RESF1: variants seen among roughly 807,000 people sequenced by gnomAD.
RESF1 encodes retroelement silencing factor 1.
RESF1 carries 65 observed loss-of-function variants against 134.7 expected under a neutral mutation model. The observed-to-expected ratio is 0.48, with a 90% CI of 0.40 to 0.59. The LOEUF is 0.59. Ranked by LOEUF, RESF1 falls within the 20% of genes least tolerant of loss-of-function variation. The probability of loss-of-function intolerance (pLI) is 0.00; values close to 1 mark genes in which losing one functional copy is unlikely to be tolerated. For synonymous variants in RESF1, 762 were observed against 702.2 expected (o/e 1.09, Z -1.35); for missense variants, 2,274 against 2,002.7 (o/e 1.14, Z -2.59).
At chr12:31,971,824 A>G (rs994365405) in intron 3 of RESF1, among the ~76,000 whole-genome samples, 2 of 152,140 alleles carry the variant, frequency 1.3e-5, no homozygotes, top group African/African-American at 4.8e-5. Context: ...CCAATTGTCT[A>G]TCTTAGTCCA....
chr12:31,985,873 G>C lies in RESF1; in HGVS notation c.4918G>C (p.Asp1640His). 1 of 1,546,682 alleles carries C rather than the reference G, an allele frequency of 6.5e-7. No individual in the cohort carries two copies. Among genetic ancestry groups the C allele is most frequent in the Non-Finnish European group, 8.7e-7 (1 of 1,155,952 alleles). The change falls in exon 4 of 6, where the codon GAT becomes CAT. Residue 1640 changes from aspartate to histidine, a missense_variant. Asp to His is a moderately conservative substitution (Grantham distance 81, BLOSUM62 -1). Transcript: ENST00000312561. ...SNMLEFKLCPDILLKNTNSVE... is the reference protein window; with the variant it reads ...SNMLEFKLCPHILLKNTNSVE... ...CATGCTGGAGTTTAAATTATGTCCA[G>C]ATATCTTACTAAAGAATACAAACTC...
chr12:31,983,461 C>T lies in RESF1; in HGVS notation c.2506C>T (p.Gln836Ter). 6.2e-7 allele frequency: 1 copy of T among 1,613,940 alleles called. No homozygotes were observed. Among genetic ancestry groups the T allele is most frequent in the Non-Finnish European group, 8.5e-7 (1 of 1,179,950 alleles). The change falls in exon 4 of 6, where the codon CAG (glutamine) becomes TAG (stop). Residue 836 changes from glutamine (Q) to a stop codon, truncating the protein, a stop_gained. Coordinates refer to ENST00000312561, the MANE Select transcript of RESF1 (RefSeq NM_018169.4). LOFTEE classifies it high-confidence loss of function. ...ATCAACCAAGATTTTTCCACTAACTCAGAAGGAAAAGCAGAATGAGTCAAC... is the reference window on the plus strand; with the variant it reads ...ATCAACCAAGATTTTTCCACTAACTTAGAAGGAAAAGCAGAATGAGTCAAC... ...ATSTKIFPLTQKEKQNESTNG... is the reference protein window; with the variant it reads ...ATSTKIFPLT
chr12:31,981,251 A>T lies in RESF1; in HGVS notation c.296A>T (p.Asn99Ile). Residue 99 changes from asparagine to isoleucine, a missense_variant, in exon 4 of 6, where the codon AAT (asparagine) becomes ATT (isoleucine). By Grantham distance (149) the Asn-to-Ile change is moderately radical. Coordinates refer to ENST00000312561, the MANE Select transcript of RESF1 (RefSeq NM_018169.4). ...GAAAGAATAACATATGCAAATGTTA[A>T]TGGACCCAAACAACTAACTCACAAT... is the stretch of plus-strand genomic sequence containing the variant. ...SVERITYANV[N>I]GPKQLTHNLQ... 6.2e-7 allele frequency: 1 copy of T among 1,614,194 alleles called. No individual in the cohort carries two copies. The highest frequency in any genetic ancestry group is 8.5e-7 in the Non-Finnish European group (1 of 1,180,030).
rs940974745 is a variant in RESF1, at chr12:31,976,851, C to T, written c.-78-4027C>T. ...GGTAGCATAGACAAAAGAAAATCCA[C>T]GTATAAGTGGACCCACGCACTTCAA... On this transcript the variant is annotated intron_variant, in intron 3 of 5. Coordinates refer to ENST00000312561, the MANE Select transcript of RESF1 (RefSeq NM_018169.4). 6.6e-5 allele frequency among the ~76,000 whole-genome samples: 10 copies of T among 152,216 alleles called. 3 individuals are homozygous for T. Among genetic ancestry groups the T allele is most frequent in the East Asian group, 1.9e-4 (1 of 5,186 alleles).
chr12:31,981,115 G>A lies in RESF1; in HGVS notation c.160G>A (p.Gly54Ser), dbSNP rs776111676. ...TAACCAAGAAGCATGCATGTATCCCGGTAATTCAAATCCAATTTCACAGCC... is the reference window on the plus strand; with the variant it reads ...TAACCAAGAAGCATGCATGTATCCCAGTAATTCAAATCCAATTTCACAGCC... ...GSNQEACMYP[G>S]NSNPISQPLL... is the part of the protein sequence containing the mutation. Residue 54 changes from glycine to serine, a missense_variant, in exon 4 of 6, where the codon GGT becomes AGT. Gly to Ser is a moderately conservative substitution (Grantham distance 56, BLOSUM62 0). Transcript: ENST00000312561. 3.2e-5 allele frequency: 51 copies of A among 1,613,950 alleles called. No individual in the cohort carries two copies. The highest frequency in any genetic ancestry group is 1.7e-4 in the Admixed American group (10 of 59,990).
Position 31,984,562 on chromosome 12 carries a change from CAAAA to C in RESF1, c.3609_3612del (p.Lys1204SerfsTer31). On this transcript the variant is annotated frameshift_variant, in exon 4 of 6. Coordinates refer to ENST00000312561, the MANE Select transcript of RESF1 (RefSeq NM_018169.4). LOFTEE classifies it high-confidence loss of function. Reference sequence around the variant, plus strand: ...GAACTCATCTTCAGAGGAAGAGAAACAAAAAGAGCAGTGTTCTCCTTTGGATACC... The same window carrying C: ...GAACTCATCTTCAGAGGAAGAGAAACAGAGCAGTGTTCTCCTTTGGATACC... 3.2e-6 allele frequency: 5 copies of C among 1,584,294 alleles called. No homozygotes were observed. Among genetic ancestry groups the C allele is most frequent in the Non-Finnish European group, 3.4e-6 (4 of 1,167,644 alleles).
chr12:31,975,550 G>GT (rs1398057833), intron 3 of RESF1, among the ~76,000 whole-genome samples: 2 of 152,222 alleles, frequency 1.3e-5, no homozygotes, highest in African/African-American at 4.8e-5. Context: ...GGTACAAATG[G>GT]TAAGTGTATA....
chr12:31,974,696 A>G lies in RESF1; in HGVS notation c.-79+4340A>G, dbSNP rs575857527. The stretch of plus-strand genomic sequence containing the variant: ...ACTTATGAATTTTGGGGAGGGTACA[A>G]TTCAGTTCATGAGACTCTCTCCTCC... On this transcript the variant is annotated intron_variant, in intron 3 of 5. Transcript: ENST00000312561. Among the ~76,000 whole-genome samples, 12 of 152,240 alleles carry G rather than the reference A, an allele frequency of 7.9e-5. 1 individual carries two copies. The highest frequency in any genetic ancestry group is 3.4e-3 in the Middle Eastern group (1 of 294).
At chr12:31,969,035 T>C (rs1939455897) in intron 2 of RESF1, among the ~76,000 whole-genome samples, 1 of 152,068 alleles carries the variant, frequency 6.6e-6, no homozygotes, top group South Asian at 2.1e-4. Flanking sequence ...CGACTTCCCA[T>C]GCTCAAGTGA....
rs766445937 is a variant in RESF1 at position 31,985,542 on chromosome 12, A to G, written c.4587A>G (p.Thr1529=). 3.1e-6 allele frequency: 5 copies of G among 1,598,586 alleles called. No homozygotes were observed. The highest frequency in any genetic ancestry group is 1.4e-5 in the African/African-American group (1 of 73,816). ...TCCACCATTCTCAGGAGTCTAAAAC[A>G]TACAACATTCTAAGGAATGTTAAAG... The part of the protein sequence containing the change: ...LKIHHSQESK[T]YNILRNVKEK... Residue 1529 remains threonine, a synonymous_variant, in exon 4 of 6, where the codon ACA becomes ACG. Coordinates refer to ENST00000312561, the MANE Select transcript of RESF1 (RefSeq NM_018169.4).
rs529070440 is a variant in RESF1, at chr12:31,983,290, A to G, written c.2335A>G (p.Ile779Val). The change falls in exon 4 of 6, where the codon ATA (isoleucine) becomes GTA (valine). Residue 779 changes from isoleucine (I) to valine (V), a missense_variant. By Grantham distance (29) the Ile-to-Val change is conservative. Transcript: ENST00000312561. Reference sequence around the variant, plus strand: ...GGTCAAAACATTGTCTGTCAAAGGAATAACACCTGCAGTGTTACCTGAAAC... The same window carrying G: ...GGTCAAAACATTGTCTGTCAAAGGAGTAACACCTGCAGTGTTACCTGAAAC... ...SEVKTLSVKG[I>V]TPAVLPETVY... is the part of the protein sequence containing the mutation. 2.5e-6 allele frequency: 4 copies of G among 1,613,984 alleles called. No individual in the cohort carries two copies. Among genetic ancestry groups the G allele is most frequent in the Admixed American group, 1.7e-5 (1 of 60,004 alleles).
chr12:31,990,255 T>C (rs1256625712), intron 5 of RESF1, among the ~76,000 whole-genome samples: 2 of 152,086 alleles, frequency 1.3e-5, no homozygotes, highest in Non-Finnish European at 2.9e-5. Flanking sequence ...AATGTGAGGC[T>C]GAAATACTCA....
chr12:31,989,574 G>A (rs1310381186), intron 5 of RESF1, among the ~76,000 whole-genome samples: 9 of 151,920 alleles, frequency 5.9e-5, no homozygotes, highest in Admixed American at 3.3e-4. Flanking sequence ...AGTAGAGGCC[G>A]GGCGAGGTGG....
In RESF1 at chr12:31,985,581, GA is replaced by G; in HGVS notation, c.4628del (p.Lys1543SerfsTer13). 6.2e-7 allele frequency: 1 copy of G among 1,601,978 alleles called. No individual in the cohort carries two copies. Among genetic ancestry groups the G allele is most frequent in the Non-Finnish European group, 8.5e-7 (1 of 1,176,696 alleles). On this transcript the variant is annotated frameshift_variant, in exon 4 of 6. Coordinates refer to ENST00000312561, the MANE Select transcript of RESF1 (RefSeq NM_018169.4). LOFTEE classifies it high-confidence loss of function. The stretch of plus-strand genomic sequence containing the variant: ...GGAATGTTAAAGAAAAAGTTGGTGG[GA>G]AGCAGCCTGATAAAATATGGATTGA... Reference protein sequence around the residue: ...LRNVKEKVGGKQPDKIWIDKT... With the variant: ...LRNVKEKVGGXQPDKIWIDKT...
At position 31,991,513 on chromosome 12, in the gene RESF1, C is replaced by T. The variant is rs979860285; in HGVS notation, c.5087-865C>T. 2.6e-5 allele frequency among the ~76,000 whole-genome samples: 4 copies of T among 152,320 alleles called. No homozygotes were observed. In the East Asian group the frequency reaches 7.7e-4, roughly 29 times the overall value. ...CAGGAATGAAATGTACAGATAGTCC[C>T]TGACTTGGCAGTGGTTTGACTTAGG... On this transcript the variant is annotated intron_variant, in intron 5 of 5. Coordinates refer to ENST00000312561, the MANE Select transcript of RESF1 (RefSeq NM_018169.4).
rs192092512 is a variant in RESF1, at chr12:31,987,162, A to T, written c.5003-77A>T. On this transcript the variant is annotated intron_variant, in intron 4 of 5. Transcript: ENST00000312561. ...GCCTTTCAAAATCTATTTTCAGCTT[A>T]CATGATTTTCCTTTGTTATAGTACT... The T allele has an allele frequency of 7.7e-5, 59 of 767,682 alleles. No individual in the cohort carries two copies. In the East Asian group the frequency reaches 1.4e-3, roughly 18 times the overall value. The allele number at this position is 767,682 out of a possible 1,614,324, so 47.6% of individuals were successfully genotyped here. A position where few individuals can be genotyped will look rare whatever the true frequency, so the allele number is the denominator to read the frequency against.
At chr12:31,973,668 G>T (rs1258787729) in intron 3 of RESF1, among the ~76,000 whole-genome samples, 1 of 128,096 alleles carries the variant, frequency 7.8e-6, no homozygotes, top group African/African-American at 2.9e-5. Context: ...GTGAAGGAGA[G>T]GGATGGAGGA....
At position 31,965,472 on chromosome 12, in the gene RESF1, C is replaced by T. The variant is rs934069353; in HGVS notation, c.-247+4601C>T. 5.5e-4 allele frequency among the ~76,000 whole-genome samples: 84 copies of T among 152,128 alleles called. 1 individual carries two copies. The highest frequency in any genetic ancestry group is 1.6e-4 in the Non-Finnish European group (11 of 68,038). On this transcript the variant is annotated intron_variant, in intron 2 of 5. Transcript: ENST00000312561. Reference sequence around the variant, plus strand: ...TGACTGTCTTGAGCCACTGCTGCCCCCGCTCCCACCCTGTGGAGTGTGCTG... The same window carrying T: ...TGACTGTCTTGAGCCACTGCTGCCCTCGCTCCCACCCTGTGGAGTGTGCTG...
In RESF1 at chr12:31,984,168, A is replaced by AC; in HGVS notation, c.3214dup (p.Arg1072ProfsTer2). On this transcript the variant is annotated frameshift_variant, in exon 4 of 6. Transcript: ENST00000312561. LOFTEE classifies it high-confidence loss of function. ...CTTATGGCATTGAGGCTGTGAATAC[A>AC]CGTGAAGGTTCTGTGGGCCAGCAAA... The AC allele has an allele frequency of 1.9e-6, 3 of 1,612,894 alleles. No individual in the cohort carries two copies. Among genetic ancestry groups the AC allele is most frequent in the Non-Finnish European group, 2.5e-6 (3 of 1,179,672 alleles).
Sources: gnomAD v4.1 joint callset for allele counts (sites outside exome capture counted in the v4.1 genomes callset) on GRCh38, gnomAD v4.1.1 for gene constraint, MANE v1.5 for transcripts, NCBI Gene and HGNC (gene_info 2026-07-23, HGNC 2026-07-21) for gene names.